Variants in HMCN1 observed in about 807,000 individuals in gnomAD.
HMCN1 encodes the protein hemicentin 1.
HMCN1 carries 321 observed loss-of-function variants against 625.9 expected under a neutral mutation model. That is an observed-to-expected ratio of 0.51 (90% confidence interval 0.47 to 0.56). The LOEUF (loss-of-function observed/expected upper bound fraction) is 0.56, where lower values mean the gene tolerates loss of function less well. HMCN1 is among the 20% of genes least tolerant of loss of function. The pLI is 0.00. For synonymous variants in HMCN1, 2,425 were observed against 2,417.6 expected (o/e 1.00, Z -0.09); for missense variants, 6,588 against 6,887.3 (o/e 0.96, Z 1.54).
Position 185,970,462 on chromosome 1 carries a change from A to G in HMCN1, c.2340A>G (p.Arg780=), listed in dbSNP as rs1156360383. The G allele has an allele frequency of 1.2e-6, 2 of 1,614,014 alleles. No individual in the cohort carries two copies. Among genetic ancestry groups the G allele is most frequent in the Non-Finnish European group, 8.5e-7 (1 of 1,179,870 alleles). The part of the protein sequence containing the change: ...YTCVAINEAG[R]ATGKITLDVG... The stretch of plus-strand genomic sequence containing the variant: ...GTGTAGCCATCAATGAGGCTGGAAG[A>G]GCAACTGGCAAGATAACTCTGGATG... The change falls in exon 15 of 107, where the codon AGA becomes AGG. Residue 780 remains arginine (R), a synonymous_variant. Coordinates refer to ENST00000271588, the MANE Select transcript of HMCN1 (RefSeq NM_031935.3).
At chr1:185,825,542 A>G (rs1660465284) in intron 1 of HMCN1, among the ~76,000 whole-genome samples, 1 of 152,164 alleles carries the variant, frequency 6.6e-6, no homozygotes. Flanking sequence ...ATGATAATCA[A>G]TTCTGCCCAA....
Position 186,065,226 on chromosome 1 carries a change from G to T in HMCN1, c.7514-12G>T. ...TAATTATTAGCTGACTCTCAGAAAT[G>T]GATTTTTACAGGGAATCCAGTGCCA... On this transcript the variant is annotated splice_polypyrimidine_tract_variant and intron_variant, in intron 48 of 106. Transcript: ENST00000271588. The T allele has an allele frequency of 6.2e-7, 1 of 1,609,026 alleles. No individual in the cohort carries two copies. Among genetic ancestry groups the T allele is most frequent in the Non-Finnish European group, 8.5e-7 (1 of 1,177,820 alleles).
chr1:185,965,704 A>G, intron 13 of HMCN1, 98 bp from the exon 14 acceptor site: 1 of 771,904 alleles, frequency 1.3e-6, no homozygotes, highest in Non-Finnish European at 2.4e-6. Context: ...AATGGCCACA[A>G]GCACATAAAT....
chr1:185,884,855 T>A (rs1664534736), intron 4 of HMCN1, among the ~76,000 whole-genome samples: 1 of 151,996 alleles, frequency 6.6e-6, no homozygotes, highest in Non-Finnish European at 1.5e-5. Flanking sequence ...TCTGAAAAAA[T>A]GGCTTAAAGA....
intron 35 of HMCN1, among the ~76,000 whole-genome samples, chr1:186,021,608 G>A (rs1654727426): frequency 6.6e-6 from 1 of 152,080 alleles, no homozygotes; most frequent in Non-Finnish European, 1.5e-5. Flanking sequence ...ATAAATGTAT[G>A]AATGTGTTGC....
At chr1:186,082,602 G>A (rs1659231787) in intron 56 of HMCN1, among the ~76,000 whole-genome samples, 1 of 152,082 alleles carries the variant, frequency 6.6e-6, no homozygotes, top group East Asian at 1.9e-4. Flanking sequence ...CAGAGAGAGA[G>A]AAATGGGAGA....
At chr1:185,746,634 T>G (rs1654424025) in intron 1 of HMCN1, among the ~76,000 whole-genome samples, 1 of 147,322 alleles carries the variant, frequency 6.8e-6, no homozygotes, top group African/African-American at 2.6e-5. Flanking sequence ...TGAGACAGTC[T>G]CTCTCTGTTG....
At chr1:186,141,330 A>C (rs1243627866) in intron 89 of HMCN1, among the ~76,000 whole-genome samples, 1 of 152,126 alleles carries the variant, frequency 6.6e-6, no homozygotes, top group Non-Finnish European at 1.5e-5. Context: ...CATCATGTTC[A>C]CATTATCCTA....
intron 1 of HMCN1, among the ~76,000 whole-genome samples, chr1:185,744,789 TGAG>T (rs1400426778): frequency 6.6e-6 from 1 of 152,108 alleles, no homozygotes; most frequent in African/African-American, 2.4e-5. Flanking sequence ...AATCAAACAT[TGAG>T]GAGTTTGGAT....
At chr1:185,976,975 A>G (rs947738921) in intron 15 of HMCN1, among the ~76,000 whole-genome samples, 1 of 151,956 alleles carries the variant, frequency 6.6e-6, no homozygotes, top group African/African-American at 2.4e-5. Context: ...AGCCTCATCT[A>G]TTTGAACTTG....
intron 1 of HMCN1, among the ~76,000 whole-genome samples, chr1:185,773,297 T>C (rs1656372864): frequency 2.6e-5 from 4 of 152,160 alleles, no homozygotes. Flanking sequence ...AATTACCTGG[T>C]TCCAAATGTC....
Position 186,078,224 on chromosome 1 carries a change from A to G in HMCN1, c.8599+4A>G, listed in dbSNP as rs906921069. 2 of 1,592,586 alleles carry G rather than the reference A, an allele frequency of 1.3e-6. No homozygotes were observed. The highest frequency in any genetic ancestry group is 1.7e-6 in the Non-Finnish European group (2 of 1,161,130). ...CAATATGATGTCCGTGTACTCGGTG[A>G]GTTTTTCTTTTGTTTATTGTTCATT... On this transcript the variant is annotated splice_donor_region_variant and intron_variant, in intron 55 of 106. Coordinates refer to ENST00000271588, the MANE Select transcript of HMCN1 (RefSeq NM_031935.3).
intron 4 of HMCN1, among the ~76,000 whole-genome samples, chr1:185,879,255 C>T (rs1232761156): frequency 2.0e-5 from 3 of 152,128 alleles, no homozygotes; most frequent in Admixed American, 1.3e-4. Context: ...ACTGCAGCCT[C>T]GACCTTCCAG....
chr1:185,819,265 G>A (rs1378067212), intron 1 of HMCN1, among the ~76,000 whole-genome samples: 2 of 148,526 alleles, frequency 1.3e-5, no homozygotes, highest in African/African-American at 5.1e-5. Flanking sequence ...CCTGCTGCTA[G>A]CTTGATGTAT....
At chr1:186,130,419 C>A in intron 84 of HMCN1, 88 bp from the exon 85 acceptor site, 1 of 1,373,604 alleles carries the variant, frequency 7.3e-7, no homozygotes, top group African/African-American at 1.4e-5. Context: ...CCCCTCTTTA[C>A]TAAATTATTT....
chr1:185,825,924 T>G (rs1660484393), intron 1 of HMCN1, among the ~76,000 whole-genome samples: 2 of 152,194 alleles, frequency 1.3e-5, no homozygotes, highest in Admixed American at 1.3e-4. Context: ...AACAAAGAAA[T>G]AATACAATCT....
chr1:185,771,905 G>A (rs1417956196), intron 1 of HMCN1, among the ~76,000 whole-genome samples: 1 of 152,136 alleles, frequency 6.6e-6, no homozygotes, highest in East Asian at 1.9e-4. Context: ...TTTTATAAAT[G>A]ATATAGTACT....
chr1:185,989,277 G>A (rs1054967229), intron 20 of HMCN1, among the ~76,000 whole-genome samples: 6 of 151,990 alleles, frequency 3.9e-5, no homozygotes, highest in Non-Finnish European at 8.8e-5. Flanking sequence ...TTACAGGTGT[G>A]AGCCACCGCA....
At chr1:185,978,507 T>C (rs1216544158) in intron 16 of HMCN1, among the ~76,000 whole-genome samples, 1 of 152,150 alleles carries the variant, frequency 6.6e-6, no homozygotes, top group Non-Finnish European at 1.5e-5. Flanking sequence ...TATTCAGATA[T>C]TTGGAAGCAC....
Sources: allele counts gnomAD v4.1 joint callset (sites outside exome capture counted in the v4.1 genomes callset), GRCh38; gene constraint gnomAD v4.1.1; transcripts MANE v1.5; gene names NCBI Gene and HGNC (gene_info 2026-07-23, HGNC 2026-07-21).